The following ATP9B variants were observed in gnomAD, a reference collection of about 807,000 sequenced individuals.
The protein encoded by ATP9B is ATPase phospholipid transporting 9B.
Under a neutral mutation model 146.1 loss-of-function variants are expected in ATP9B, and 110 were observed. The observed-to-expected ratio is 0.75, with a 90% CI of 0.65 to 0.88. The LOEUF (loss-of-function observed/expected upper bound fraction) is 0.88. Ranked by LOEUF, ATP9B falls within the 40% of genes least tolerant of loss-of-function variation. ATP9B has a pLI of 0.00. For missense variants in ATP9B, 1,499 were observed against 1,496.4 expected, an observed-to-expected ratio of 1.00 and a Z score of -0.03; for synonymous variants, 604 against 569.7, an observed-to-expected ratio of 1.06 and a Z score of -0.86.
At chr18:79,175,134 G>A (rs1036587151) in intron 7 of ATP9B, among the ~76,000 whole-genome samples, 4 of 150,764 alleles carry the variant, frequency 2.7e-5, no homozygotes, top group African/African-American at 9.8e-5. Flanking sequence ...CTGGGAGGTG[G>A]AGGTTGCAGT....
chr18:79,162,689 G>A (rs1458396869), intron 7 of ATP9B, among the ~76,000 whole-genome samples: 1 of 152,142 alleles, frequency 6.6e-6, no homozygotes, highest in Non-Finnish European at 1.5e-5. Flanking sequence ...TCATTAAATC[G>A]TATGAATGAT....
At chr18:79,154,107 C>G (rs1234432390) in intron 6 of ATP9B, among the ~76,000 whole-genome samples, 1 of 149,262 alleles carries the variant, frequency 6.7e-6, no homozygotes, top group African/African-American at 2.5e-5. Flanking sequence ...GTGCCTGCCA[C>G]CACGCCCAGC....
chr18:79,215,324 T>G (rs2095617741), intron 11 of ATP9B, among the ~76,000 whole-genome samples: 1 of 152,152 alleles, frequency 6.6e-6, no homozygotes, highest in Non-Finnish European at 1.5e-5. Context: ...TGTTTGCTTG[T>G]TCACTGGGGC....
rs565959157 is a variant in ATP9B, at chr18:79,162,253, A to G, written c.778+7698A>G. ...GTCAGTACAGCATGGTGGGTTGCTC[A>G]TGGCATCGTATTGACTGTGTATTAA... On this transcript the variant is annotated intron_variant, in intron 7 of 29. Coordinates refer to ENST00000426216, the MANE Select transcript of ATP9B (RefSeq NM_198531.5). Among the ~76,000 whole-genome samples, 127 of 152,336 alleles carry G rather than the reference A, an allele frequency of 8.3e-4. 5 individuals carry two copies. In the South Asian group the frequency reaches 0.026, roughly 31 times the overall value.
At chr18:79,205,065 C>A (rs1337299114) in intron 9 of ATP9B, among the ~76,000 whole-genome samples, 1 of 152,160 alleles carries the variant, frequency 6.6e-6, no homozygotes, top group Non-Finnish European at 1.5e-5. Flanking sequence ...GGTTCATGAT[C>A]CCCAGGGCCC....
intron 20 of ATP9B, chr18:79,343,891 T>C (rs927695761): frequency 3.5e-6 from 1 of 283,596 alleles, no homozygotes; most frequent in Non-Finnish European, 6.7e-6. Flanking sequence ...TCATTATCGT[T>C]GTATGTTAAG....
At chr18:79,101,292 T>G (rs750101784) in intron 2 of ATP9B, among the ~76,000 whole-genome samples, 17 of 152,336 alleles carry the variant, frequency 1.1e-4, no homozygotes, top group South Asian at 2.1e-4. Context: ...GAATGTTACA[T>G]AACTGAAATT....
intron 8 of ATP9B, among the ~76,000 whole-genome samples, chr18:79,180,058 T>G (rs2095231974): frequency 6.6e-6 from 1 of 152,230 alleles, no homozygotes; most frequent in African/African-American, 2.4e-5. Context: ...TCTATTTTGT[T>G]CTTTACTATT....
intron 1 of ATP9B, among the ~76,000 whole-genome samples, chr18:79,094,755 G>C (rs923170625): frequency 6.6e-6 from 1 of 152,224 alleles, no homozygotes; most frequent in African/African-American, 2.4e-5. Context: ...GATTTCAAGA[G>C]CCTGTTTTAG....
chr18:79,330,611 C>T (rs1302021765), intron 17 of ATP9B, among the ~76,000 whole-genome samples: 1 of 152,120 alleles, frequency 6.6e-6, no homozygotes, highest in South Asian at 2.1e-4. Flanking sequence ...GACAGGGTTT[C>T]ACCATGTTAG....
intron 13 of ATP9B, among the ~76,000 whole-genome samples, chr18:79,290,189 T>G (rs1360743625): frequency 1.3e-5 from 2 of 152,236 alleles, no homozygotes; most frequent in African/African-American, 2.4e-5. Flanking sequence ...TACTGCTGTC[T>G]TTTTGTTTGT....
intron 25 of ATP9B, among the ~76,000 whole-genome samples, chr18:79,350,316 C>T (rs910499387): frequency 1.3e-5 from 2 of 152,258 alleles, no homozygotes; most frequent in Admixed American, 6.5e-5. Context: ...CCTAGCCCTT[C>T]ATCTTCGCAC....
intron 5 of ATP9B, among the ~76,000 whole-genome samples, chr18:79,141,131 A>G (rs1317016495): frequency 2.6e-5 from 4 of 152,162 alleles, no homozygotes; most frequent in African/African-American, 9.7e-5. Flanking sequence ...TAATTGAATC[A>G]TGGGAGTGGT....
At chr18:79,120,547 T>G (rs560175414) in intron 4 of ATP9B, among the ~76,000 whole-genome samples, 3 of 152,344 alleles carry the variant, frequency 2.0e-5, no homozygotes, top group East Asian at 3.9e-4. Flanking sequence ...TGAAAATAAG[T>G]TGATTTCATT....
chr18:79,233,309 A>C (rs997504628), intron 11 of ATP9B, among the ~76,000 whole-genome samples: 1 of 152,164 alleles, frequency 6.6e-6, no homozygotes, highest in Non-Finnish European at 1.5e-5. Context: ...AGATACAACT[A>C]TGTATAATGG....
chr18:79,173,597 C>T, intron 7 of ATP9B: 2 of 432,666 alleles, frequency 4.6e-6, no homozygotes, highest in South Asian at 3.4e-5. Context: ...CCATAAATTG[C>T]TTTTGTAAAT....
chr18:79,349,445 CAG>C lies in ATP9B; in HGVS notation c.2903+1250_2903+1251del, dbSNP rs369989162. Among the ~76,000 whole-genome samples, 32 of 152,328 alleles carry C rather than the reference CAG, an allele frequency of 2.1e-4. No individual in the cohort carries two copies. The East Asian group carries it at 4.1e-3, about 19-fold the overall frequency. ...GAGGCCCAGCTCAGACCTGAGTTGT[CAG>C]GGGCTGGCGCCGGGTGCTGCTCCTC... is the stretch of plus-strand genomic sequence containing the variant. On this transcript the variant is annotated intron_variant, in intron 25 of 29. Coordinates refer to ENST00000426216, the MANE Select transcript of ATP9B (RefSeq NM_198531.5).
At chr18:79,234,655 GTGTGGGTGTGCTCC>G (rs1205958086) in intron 11 of ATP9B, among the ~76,000 whole-genome samples, 1,849 of 147,540 alleles carry the variant, frequency 0.013, 46 homozygotes, top group African/African-American at 0.044. Flanking sequence ...GGCGTGCTTC[GTGTGGGTGTGCTCC>G]TGTGGGTGTG....
intron 10 of ATP9B, among the ~76,000 whole-genome samples, chr18:79,211,084 G>A (rs117138242): frequency 0.018 from 2,696 of 152,268 alleles, 39 homozygotes; most frequent in Middle Eastern, 0.044. Context: ...GTTAGAAATA[G>A]CAACTAAAAG....
Sources: allele counts gnomAD v4.1 joint callset (sites outside exome capture counted in the v4.1 genomes callset), GRCh38; gene constraint gnomAD v4.1.1; transcripts MANE v1.5; gene names NCBI Gene and HGNC (gene_info 2026-07-23, HGNC 2026-07-21).